TMEM135: variants seen among roughly 807,000 people sequenced by gnomAD.
TMEM135 encodes transmembrane protein 135, also known as peroxisomal membrane protein 52.
A neutral mutation model predicts 60.3 loss-of-function variants in TMEM135; 30 were observed. The observed-to-expected ratio is 0.50, with a 90% CI of 0.37 to 0.68. The LOEUF (loss-of-function observed/expected upper bound fraction) is 0.68. Among genes scored for constraint, TMEM135 ranks in the 30% least tolerant of loss-of-function variants. TMEM135 has a pLI of 0.00. For missense variants in TMEM135, 468 were observed against 548.8 expected (o/e 0.85, Z 1.47); for synonymous variants, 190 against 186.7 (o/e 1.02, Z -0.14).
chr11:87,071,726 AT>A, intron 3 of TMEM135, 111 bp downstream of exon 3: 1 of 658,726 alleles, frequency 1.5e-6, no homozygotes. Flanking sequence ...TTCTAGATAT[AT>A]TTTTTCGGTT....
intron 5 of TMEM135, among the ~76,000 whole-genome samples, chr11:87,213,578 G>T (rs548806301): frequency 6.6e-6 from 1 of 152,216 alleles, no homozygotes; most frequent in Non-Finnish European, 1.5e-5. Flanking sequence ...TAGTTCTTCC[G>T]TATTAGTAGG....
rs887766403 is a variant in TMEM135, at chr11:87,324,290, A to G, written c.*2957A>G. 7 of 453,876 alleles carry G rather than the reference A, an allele frequency of 1.5e-5. No individual in the cohort carries two copies. The highest frequency in any genetic ancestry group is 1.4e-4 in the East Asian group (2 of 14,406). The allele number at this position is 453,876 out of a possible 1,614,324, so 28.1% of individuals were successfully genotyped here. A position where few individuals can be genotyped will look rare whatever the true frequency, so the allele number is the denominator to read the frequency against. On this transcript the variant is annotated 3_prime_UTR_variant, in exon 15 of 15. Coordinates refer to ENST00000305494, the MANE Select transcript of TMEM135 (RefSeq NM_022918.4). ...GCTTCGTCCACTTGCCTGTGTCACAACCTCTCCCTTGGTGCTAATTAGGAA... is the reference window on the plus strand; with the variant it reads ...GCTTCGTCCACTTGCCTGTGTCACAGCCTCTCCCTTGGTGCTAATTAGGAA...
intron 4 of TMEM135, among the ~76,000 whole-genome samples, chr11:87,092,996 A>G (rs1454685151): frequency 6.6e-6 from 1 of 152,096 alleles, no homozygotes; most frequent in Non-Finnish European, 1.5e-5. Flanking sequence ...CTGGAATTAA[A>G]TTCTTATCCA....
chr11:87,089,174 T>C (rs377345200), intron 3 of TMEM135, among the ~76,000 whole-genome samples: 1 of 152,102 alleles, frequency 6.6e-6, no homozygotes, highest in East Asian at 1.9e-4. Flanking sequence ...AAATCAAAAA[T>C]TGGAAACACT....
At chr11:87,054,310 C>T (rs1949871128) in intron 1 of TMEM135, among the ~76,000 whole-genome samples, 1 of 152,062 alleles carries the variant, frequency 6.6e-6, no homozygotes, top group African/African-American at 2.4e-5. Flanking sequence ...TGGCGTGTGC[C>T]TGTAATCCCA....
chr11:87,248,030 A>AG (rs1308249270), intron 6 of TMEM135, among the ~76,000 whole-genome samples: 1 of 108,780 alleles, frequency 9.2e-6, no homozygotes, highest in Non-Finnish European at 2.1e-5. Flanking sequence ...TAAAAAAAAA[A>AG]AAAAAAAGAA....
At chr11:87,271,929 A>T (rs191305771) in intron 6 of TMEM135, among the ~76,000 whole-genome samples, 38 of 151,168 alleles carry the variant, frequency 2.5e-4, no homozygotes, top group Admixed American at 1.9e-3. Flanking sequence ...TCAGAGTGAG[A>T]CCCCCATCTC....
intron 3 of TMEM135, among the ~76,000 whole-genome samples, chr11:87,078,945 T>C (rs763482831): frequency 6.6e-6 from 1 of 152,086 alleles, no homozygotes; most frequent in African/African-American, 2.4e-5. Flanking sequence ...GTGTCGTATT[T>C]AAGAAATCAT....
rs201647376 is a variant in TMEM135, at chr11:87,295,868, A to G, written c.551+45A>G. 36 of 1,499,236 alleles carry G rather than the reference A, an allele frequency of 2.4e-5. No individual in the cohort carries two copies. In the African/African-American group the frequency reaches 5.0e-4, roughly 21 times the overall value. The allele number at this position is 1,499,236 out of a possible 1,614,324, so 92.9% of individuals were successfully genotyped here. A position where few individuals can be genotyped will look rare whatever the true frequency, so the allele number is the denominator to read the frequency against. ...ATGTTGAGAGAGAATTTACAAGTTAACTTAAAAAATTATACATAATTACAA... is the reference window on the plus strand; with the variant it reads ...ATGTTGAGAGAGAATTTACAAGTTAGCTTAAAAAATTATACATAATTACAA... On this transcript the variant is annotated intron_variant, in intron 7 of 14. Transcript: ENST00000305494.
chr11:87,072,023 C>T lies in TMEM135; in HGVS notation c.362+408C>T, dbSNP rs115226412. ...CCAGCATTGGAAAACCCTGTCTCTA[C>T]GAAAAAAAATACAAAGAATATTAGC... On this transcript the variant is annotated intron_variant, in intron 3 of 14. Transcript: ENST00000305494. 4.2e-3 allele frequency among the ~76,000 whole-genome samples: 644 copies of T among 151,698 alleles called. 7 individuals are homozygous for T. Among genetic ancestry groups the T allele is most frequent in the African/African-American group, 0.015 (617 of 41,352 alleles).
chr11:87,130,189 A>G (rs1300890305), intron 4 of TMEM135, among the ~76,000 whole-genome samples: 2 of 150,874 alleles, frequency 1.3e-5, no homozygotes, highest in Non-Finnish European at 2.9e-5. Flanking sequence ...TAAGTAAATT[A>G]CAAGGAGTCT....
At chr11:87,076,146 C>T (rs1856867465) in intron 3 of TMEM135, among the ~76,000 whole-genome samples, 1 of 152,222 alleles carries the variant, frequency 6.6e-6, no homozygotes. Context: ...CTCCCGGGCC[C>T]TGGGCAGGTC....
In TMEM135 at chr11:87,327,244, C is replaced by A. The variant is rs1251573936; in HGVS notation, c.*5911C>A. 4.2e-5 allele frequency: 19 copies of A among 453,920 alleles called. No individual in the cohort carries two copies. In the East Asian group the frequency reaches 9.0e-4, roughly 22 times the overall value. The allele number at this position is 453,920 out of a possible 1,614,324, so 28.1% of individuals were successfully genotyped here. A position where few individuals can be genotyped will look rare whatever the true frequency, so the allele number is the denominator to read the frequency against. The stretch of plus-strand genomic sequence containing the variant: ...TTCCCTCTCTGCTTAAAGGAAAGTT[C>A]TTTTTACCTCTTTTTCTCTTGTTCA... On this transcript the variant is annotated 3_prime_UTR_variant, in exon 15 of 15. Transcript: ENST00000305494.
At chr11:87,239,455 G>A (rs1277602313) in intron 6 of TMEM135, among the ~76,000 whole-genome samples, 1 of 151,868 alleles carries the variant, frequency 6.6e-6, no homozygotes, top group Non-Finnish European at 1.5e-5. Context: ...ATAACACTTG[G>A]CAGGTCCAAT....
At chr11:87,223,228 G>T (rs1011062822) in intron 5 of TMEM135, among the ~76,000 whole-genome samples, 1 of 149,502 alleles carries the variant, frequency 6.7e-6, no homozygotes. Context: ...GCAGTGGCGC[G>T]ATCTCGGCTC....
intron 6 of TMEM135, among the ~76,000 whole-genome samples, chr11:87,250,163 GTC>G (rs1464307584): frequency 1.1e-4 from 17 of 152,052 alleles, no homozygotes; most frequent in Non-Finnish European, 2.9e-5. Flanking sequence ...GAATCGCACT[GTC>G]TCCTTTTTCA....
chr11:87,107,263 T>C (rs924251813), intron 4 of TMEM135, among the ~76,000 whole-genome samples: 1 of 152,188 alleles, frequency 6.6e-6, no homozygotes, highest in African/African-American at 2.4e-5. Context: ...CATATAATTA[T>C]TCATAGTTTT....
intron 14 of TMEM135, among the ~76,000 whole-genome samples, chr11:87,320,630 T>C (rs1942804111): frequency 6.6e-6 from 1 of 152,172 alleles, no homozygotes; most frequent in Non-Finnish European, 1.5e-5. Flanking sequence ...TTATATATCT[T>C]AGGTTAGGTA....
chr11:87,257,042 T>C (rs1382376524), intron 6 of TMEM135, among the ~76,000 whole-genome samples: 1 of 152,210 alleles, frequency 6.6e-6, no homozygotes, highest in Non-Finnish European at 1.5e-5. Context: ...AAATGGATTC[T>C]TATACTAATC....
Sources: gnomAD v4.1 joint callset for allele counts (sites outside exome capture counted in the v4.1 genomes callset) on GRCh38, gnomAD v4.1.1 for gene constraint, MANE v1.5 for transcripts, NCBI Gene and HGNC (gene_info 2026-07-23, HGNC 2026-07-21) for gene names.